FER1L6: variants seen among roughly 807,000 people sequenced by gnomAD.
FER1L6 encodes the protein fer-1-like protein 6.
FER1L6 carries 177 observed loss-of-function variants against 219.2 expected under a neutral mutation model. The ratio of observed to expected loss-of-function variants is 0.81; its 90% CI spans 0.71 to 0.91. FER1L6 has a LOEUF of 0.91. Ranked by LOEUF, FER1L6 falls within the 40% of genes least tolerant of loss-of-function variation. The probability of loss-of-function intolerance (pLI) is 0.00; values close to 1 mark genes in which losing one functional copy is unlikely to be tolerated. For synonymous variants in FER1L6, 768 were observed against 824.3 expected (o/e 0.93, Z 1.17); for missense variants, 2,153 against 2,259.9 (o/e 0.95, Z 0.96).
intron 1 of FER1L6, among the ~76,000 whole-genome samples, chr8:123,934,304 G>A (rs1223946169): frequency 6.6e-6 from 1 of 152,118 alleles, no homozygotes; most frequent in African/African-American, 2.4e-5. Flanking sequence ...TCCTTTATGG[G>A]TAAGGGAATT....
intron 1 of FER1L6, among the ~76,000 whole-genome samples, chr8:123,954,359 C>T (rs78334008): frequency 0.041 from 6,248 of 152,166 alleles, 296 homozygotes; most frequent in African/African-American, 0.12. Context: ...GAACTGGAAC[C>T]TCATTTCCTT....
chr8:123,882,403 C>T (rs974704760), intron 1 of FER1L6, among the ~76,000 whole-genome samples: 3 of 152,064 alleles, frequency 2.0e-5, no homozygotes, highest in African/African-American at 7.2e-5. Context: ...AGGGTTAGAA[C>T]GAGATGGAGA....
At chr8:123,887,573 T>A (rs1461790608) in intron 1 of FER1L6, among the ~76,000 whole-genome samples, 5 of 152,234 alleles carry the variant, frequency 3.3e-5, no homozygotes, top group Non-Finnish European at 4.4e-5. Context: ...CAGTGGGGTC[T>A]GCTCCTCTCA....
At chr8:124,071,268 T>C (rs1376452003) in intron 30 of FER1L6, among the ~76,000 whole-genome samples, 10 of 152,220 alleles carry the variant, frequency 6.6e-5, no homozygotes, top group Non-Finnish European at 5.9e-5. Context: ...GTTCTTCATA[T>C]AACAGTCCTG....
intron 16 of FER1L6, 132 bp from the exon 17 acceptor site, chr8:124,021,418 C>A: frequency 8.4e-7 from 1 of 1,184,162 alleles, no homozygotes; most frequent in Non-Finnish European, 1.2e-6. Context: ...TGCACGGTGG[C>A]AGACCCTGGA....
chr8:123,999,025 C>G (rs1045343389), intron 12 of FER1L6, among the ~76,000 whole-genome samples: 1 of 152,164 alleles, frequency 6.6e-6, no homozygotes, highest in Non-Finnish European at 1.5e-5. Flanking sequence ...AAATCAGGGG[C>G]CCTGAGAACC....
chr8:124,089,842 C>G (rs897715289), intron 33 of FER1L6, among the ~76,000 whole-genome samples: 1 of 152,120 alleles, frequency 6.6e-6, no homozygotes, highest in African/African-American at 2.4e-5. Context: ...TTGTACTTAT[C>G]CTTATATCTC....
chr8:123,897,722 C>T (rs1812769513), intron 1 of FER1L6, among the ~76,000 whole-genome samples: 1 of 152,124 alleles, frequency 6.6e-6, no homozygotes, highest in Admixed American at 6.5e-5. Context: ...TCATTGCAGG[C>T]TATTTACTCA....
chr8:123,945,643 T>A (rs2130028467), intron 1 of FER1L6, among the ~76,000 whole-genome samples: 1 of 152,364 alleles, frequency 6.6e-6, no homozygotes, highest in Middle Eastern at 3.4e-3. Context: ...TTGCACTGAG[T>A]TGCCTCATTA....
chr8:124,067,489 G>C (rs866503433), intron 27 of FER1L6, among the ~76,000 whole-genome samples: 3 of 152,186 alleles, frequency 2.0e-5, no homozygotes, highest in Non-Finnish European at 2.9e-5. Flanking sequence ...TGCTTGCCTC[G>C]TGGCTGAGAG....
chr8:123,917,002 T>C (rs905510097), intron 1 of FER1L6, among the ~76,000 whole-genome samples: 2 of 152,222 alleles, frequency 1.3e-5, no homozygotes, highest in Admixed American at 1.3e-4. Flanking sequence ...GGGGACATTT[T>C]GGATAAAAGA....
chr8:124,006,253 T>C (rs1221760115), intron 13 of FER1L6, among the ~76,000 whole-genome samples: 4 of 152,100 alleles, frequency 2.6e-5, no homozygotes, highest in Non-Finnish European at 5.9e-5. Flanking sequence ...CAGGGGAAGA[T>C]GGTAAGGGAA....
At chr8:123,994,115 G>A (rs1253613126) in intron 12 of FER1L6, among the ~76,000 whole-genome samples, 3 of 152,192 alleles carry the variant, frequency 2.0e-5, no homozygotes, top group Admixed American at 1.3e-4. Context: ...CCAGGAGGTG[G>A]TGCTTGCAAA....
intron 32 of FER1L6, among the ~76,000 whole-genome samples, chr8:124,078,806 G>A (rs1388640647): frequency 2.6e-5 from 4 of 151,608 alleles, no homozygotes; most frequent in Non-Finnish European, 5.9e-5. Flanking sequence ...GTATCAATCC[G>A]GGTTCCACCA....
intron 39 of FER1L6, among the ~76,000 whole-genome samples, chr8:124,112,094 G>A (rs764016746): frequency 2.0e-5 from 3 of 152,204 alleles, no homozygotes; most frequent in Non-Finnish European, 4.4e-5. Context: ...CTGTTTCCAT[G>A]TGTATAAAAT....
At chr8:123,872,678 T>C (rs192873373) in intron 1 of FER1L6, among the ~76,000 whole-genome samples, 6 of 152,338 alleles carry the variant, frequency 3.9e-5, no homozygotes, top group African/African-American at 1.4e-4. Flanking sequence ...AATTTTTCTA[T>C]AAGTCTAAGA....
chr8:123,912,286 A>AAAAGAAG (rs148584904), intron 1 of FER1L6, among the ~76,000 whole-genome samples: 1 of 150,500 alleles, frequency 6.6e-6, no homozygotes, highest in Non-Finnish European at 1.5e-5. Flanking sequence ...GTTTAAAAAA[A>AAAAGAAG]AAGAAGAAGA....
intron 1 of FER1L6, among the ~76,000 whole-genome samples, chr8:123,936,843 C>A (rs1814026969): frequency 6.6e-6 from 1 of 152,214 alleles, no homozygotes; most frequent in Non-Finnish European, 1.5e-5. Context: ...TATTCTCTCA[C>A]TCCTTTTACC....
intron 1 of FER1L6, among the ~76,000 whole-genome samples, chr8:123,919,686 A>G (rs1813301940): frequency 6.6e-6 from 1 of 152,218 alleles, no homozygotes; most frequent in Non-Finnish European, 1.5e-5. Flanking sequence ...TCTGTTTTCC[A>G]CAGTCTTTCT....
Sources: gnomAD v4.1 joint callset for allele counts (sites outside exome capture counted in the v4.1 genomes callset) on GRCh38, gnomAD v4.1.1 for gene constraint, MANE v1.5 for transcripts, NCBI Gene and HGNC (gene_info 2026-07-23, HGNC 2026-07-21) for gene names.